The following NBPF26 variants were observed in gnomAD, a reference collection of about 807,000 sequenced individuals.
NBPF26 encodes NBPF member 26, also known as NBPF family member NBPF26.
In NBPF26, 79 loss-of-function variants were observed where a neutral mutation model predicts 119.6. The observed-to-expected ratio is 0.66, with a 90% confidence interval of 0.55 to 0.80. The LOEUF (loss-of-function observed/expected upper bound fraction) is 0.80, where lower values mean the gene tolerates loss of function less well. Ranked by LOEUF, NBPF26 falls within the 30% of genes least tolerant of loss-of-function variation. The pLI, the probability that NBPF26 is intolerant of heterozygous loss-of-function variation, is 0.00. For missense variants in NBPF26, 800 were observed against 1,198.2 expected (o/e 0.67, Z 4.91); for synonymous variants, 299 against 457.7 (o/e 0.65, Z 4.43).
In NBPF26 at chr1:120,781,799, C is replaced by G. The variant is rs1366292829; in HGVS notation, c.156-3175C>G. Among the ~76,000 whole-genome samples the G allele has an allele frequency of 6.8e-5, 8 of 117,124 alleles. 3 individuals are homozygous for G. The highest frequency in any genetic ancestry group is 3.7e-4 in the African/African-American group (8 of 21,370). The allele number at this position is 117,124 out of a possible 152,430, so 76.8% of individuals were successfully genotyped here. A position where few individuals can be genotyped will look rare whatever the true frequency, so the allele number is the denominator to read the frequency against. On this transcript the variant is annotated intron_variant, in intron 2 of 29. Coordinates refer to ENST00000620612, the Ensembl canonical transcript of NBPF26. ...GGTCTCGATCTCCTGACCTGGTGATCTGCCTGCCTCGGCCTCCCAAAGTGC... is the reference window on the plus strand; with the variant it reads ...GGTCTCGATCTCCTGACCTGGTGATGTGCCTGCCTCGGCCTCCCAAAGTGC...
At chr1:120,831,789 GTC>G (rs1358131800) in intron 21 of NBPF26, among the ~76,000 whole-genome samples, 197 bp from the exon 26 acceptor site, 49 of 20,252 alleles carry the variant, frequency 2.4e-3, no homozygotes, top group African/African-American at 5.4e-3. Context: ...GTGTGTGTGT[GTC>G]TATCTGTCTT....
chr1:120,728,594 C>T lies in NBPF26; in HGVS notation c.73+4344C>T, dbSNP rs1163391161. On this transcript the variant is annotated intron_variant, in intron 1 of 29. Transcript: ENST00000620612. ...CACTGCTTCCTGTATTACTGTATTA[C>T]TAGGCCAGCAATTTCTGTTATTTTG... Among the ~76,000 whole-genome samples the T allele has an allele frequency of 2.9e-4, 34 of 117,754 alleles. 13 individuals are homozygous for T. Among genetic ancestry groups the T allele is most frequent in the African/African-American group, 1.6e-3 (32 of 20,244 alleles). The allele number at this position is 117,754 out of a possible 152,430, so 77.3% of individuals were successfully genotyped here. A position where few individuals can be genotyped will look rare whatever the true frequency, so the allele number is the denominator to read the frequency against.
At chr1:120,840,660 A>T, downstream of NBPF26, 2 of 1,442,154 alleles carry the variant, frequency 1.4e-6, no homozygotes, top group Non-Finnish European at 1.9e-6. Flanking sequence ...GAAGATTTGA[A>T]TGAAAGTACA....
In NBPF26 at chr1:120,793,734, G is replaced by T; in HGVS notation, c.751+238G>T. On this transcript the variant is annotated intron_variant, in intron 4 of 29. Coordinates refer to ENST00000620612, the Ensembl canonical transcript of NBPF26. ...ATGAGTGGCTAGAAAATTGTTTATT[G>T]TCCCTTTTGTAGAAACAGTGAGAAA... The T allele has an allele frequency of 1.7e-5, 12 of 711,794 alleles. 4 individuals are homozygous for T. The highest frequency in any genetic ancestry group is 3.0e-5 in the South Asian group (2 of 65,634). 44.1% of individuals were successfully genotyped at this position (711,794 alleles called of 1,614,324 possible).
In NBPF26 at chr1:120,819,015, T is replaced by C. The variant is rs1399614231; in HGVS notation, c.2423+841T>C. On this transcript the variant is annotated intron_variant, in intron 15 of 29. Coordinates refer to ENST00000620612, the Ensembl canonical transcript of NBPF26. The stretch of plus-strand genomic sequence containing the variant: ...TAGGTCTGCTTGGTGGAGAGCTGAG[T>C]TCAAGTCCTGGATATCCTTGTTAAG... Among the ~76,000 whole-genome samples, 5 of 115,652 alleles carry C rather than the reference T, an allele frequency of 4.3e-5. 1 individual carries two copies. The highest frequency in any genetic ancestry group is 8.4e-5 in the Admixed American group (1 of 11,856). 75.9% of individuals were successfully genotyped at this position (115,652 alleles called of 152,430 possible).
At chr1:120,752,546 ATATATATATTT>A (rs1228097117) in intron 1 of NBPF26, among the ~76,000 whole-genome samples, 12 of 12,758 alleles carry the variant, frequency 9.4e-4, no homozygotes, top group African/African-American at 3.8e-3. Context: ...ATATATATAT[ATATATATATTT>A]TTTTTTTTTT....
intron 1 of NBPF26, among the ~76,000 whole-genome samples, chr1:120,760,167 A>G (rs1651118644): frequency 1.8e-5 from 1 of 54,632 alleles, no homozygotes; most frequent in East Asian, 3.2e-4. Flanking sequence ...TCCATTGTAT[A>G]TATCTACCAC....
chr1:120,790,726 G>C lies in NBPF26; in HGVS notation c.416-2435G>C, dbSNP rs1339787474. On this transcript the variant is annotated intron_variant, in intron 3 of 29. Coordinates refer to ENST00000620612, the Ensembl canonical transcript of NBPF26. ...GTGATTCTTGTGCCTCAGCCTCCCA[G>C]GTAGCTGGGATTACAGGTATGCGCT... Among the ~76,000 whole-genome samples the C allele has an allele frequency of 1.8e-5, 2 of 110,752 alleles. 1 individual carries two copies. The highest frequency in any genetic ancestry group is 3.4e-5 in the Non-Finnish European group (2 of 58,946). 72.7% of individuals were successfully genotyped at this position (110,752 alleles called of 152,430 possible).
chr1:120,838,488 C>T (rs1439210747), intron 27 of NBPF26, among the ~76,000 whole-genome samples: 11 of 68,592 alleles, frequency 1.6e-4, no homozygotes, highest in East Asian at 1.1e-3. Flanking sequence ...TCACTGAGCT[C>T]GTTCTCTCTC....
At position 120,745,156 on chromosome 1, in the gene NBPF26, G is replaced by A. The variant is rs1165388309; in HGVS notation, c.74-18472G>A. Among the ~76,000 whole-genome samples the A allele has an allele frequency of 4.8e-5, 5 of 104,744 alleles. 2 individuals are homozygous for A. Among genetic ancestry groups the A allele is most frequent in the African/African-American group, 3.0e-4 (5 of 16,860 alleles). The allele number at this position is 104,744 out of a possible 152,430, so 68.7% of individuals were successfully genotyped here. A position where few individuals can be genotyped will look rare whatever the true frequency, so the allele number is the denominator to read the frequency against. ...AAACAAAAAAAAAACAAAAAAAAGT[G>A]GTATTGGGCCTGTCTAATTGCAAAG... On this transcript the variant is annotated intron_variant, in intron 1 of 29. Transcript: ENST00000620612.
chr1:120,811,058 G>C (rs1651849343), intron 9 of NBPF26, among the ~76,000 whole-genome samples: 1 of 98,184 alleles, frequency 1.0e-5, no homozygotes, highest in Non-Finnish European at 1.9e-5. Flanking sequence ...GGCTAACACG[G>C]TGAAACCCCG....
chr1:120,724,136 G>A lies in NBPF26; in HGVS notation c.-42G>A, dbSNP rs1463936632. On this transcript the variant is annotated 5_prime_UTR_variant, in exon 1 of 30. Transcript: ENST00000620612. ...CCCATGTGGATCTGCCCAGGCGGCG[G>A]CGGCGGCGGCGGCGGAGGAGGAGGA... 2.2e-6 allele frequency: 3 copies of A among 1,362,216 alleles called. 1 individual carries two copies. Among genetic ancestry groups the A allele is most frequent in the South Asian group, 1.4e-5 (1 of 73,848 alleles). 84.4% of individuals were successfully genotyped at this position (1,362,216 alleles called of 1,614,324 possible).
At chr1:120,805,838 C>A in intron 5 of NBPF26, 73 bp downstream of exon 5, 1 of 1,152,482 alleles carries the variant, frequency 8.7e-7, no homozygotes. Flanking sequence ...ACTAAATGCT[C>A]TCTCCATCAA....
intron 5 of NBPF26, among the ~76,000 whole-genome samples, chr1:120,807,093 T>C (rs1651712663): frequency 7.6e-6 from 1 of 131,130 alleles, no homozygotes; most frequent in Non-Finnish European, 1.6e-5. Flanking sequence ...TCTCACACTT[T>C]ATGCTTCAGA....
rs1651743777 is a variant in NBPF26, at chr1:120,807,932, G to A, written c.1064+223G>A. Among the ~76,000 whole-genome samples the A allele has an allele frequency of 3.3e-5, 4 of 121,452 alleles. 1 individual carries two copies. Among genetic ancestry groups the A allele is most frequent in the African/African-American group, 8.1e-5 (2 of 24,672 alleles). 79.7% of individuals were successfully genotyped at this position (121,452 alleles called of 152,430 possible). Reference sequence around the variant, plus strand: ...GCCTTGTTTTCTCTTTTTCAAACAAGTAATTGTTGATGTGAAATTTACATA... The same window carrying A: ...GCCTTGTTTTCTCTTTTTCAAACAAATAATTGTTGATGTGAAATTTACATA... On this transcript the variant is annotated intron_variant, in intron 6 of 29. Transcript: ENST00000620612.
rs1650839883 is a variant in NBPF26 at position 120,728,519 on chromosome 1, A to G, written c.73+4269A>G. On this transcript the variant is annotated intron_variant, in intron 1 of 29. Transcript: ENST00000620612. ...TAAATCACTTTGACTTTGGAATCTCACTTCAAAGGCACTGCCATCCACCCC... is the reference window on the plus strand; with the variant it reads ...TAAATCACTTTGACTTTGGAATCTCGCTTCAAAGGCACTGCCATCCACCCC... 2.6e-5 allele frequency among the ~76,000 whole-genome samples: 3 copies of G among 115,920 alleles called. 1 individual carries two copies. The highest frequency in any genetic ancestry group is 3.3e-5 in the Non-Finnish European group (2 of 60,820). The allele number at this position is 115,920 out of a possible 152,430, so 76.0% of individuals were successfully genotyped here.
At chr1:120,840,719 A>G (rs1376388455), downstream of NBPF26, 11 of 1,216,358 alleles carry the variant, frequency 9.0e-6, 3 homozygotes, top group Non-Finnish European at 1.2e-5. Flanking sequence ...GCATGGCTCT[A>G]TTCCTATTCT....
chr1:120,809,435 T>A (rs1242970027), intron 7 of NBPF26, among the ~76,000 whole-genome samples: 2 of 148,292 alleles, frequency 1.3e-5, no homozygotes, highest in African/African-American at 5.1e-5. Flanking sequence ...GTTTGTCCTC[T>A]CCTAAGAGAA....
rs1224758269 is a variant in NBPF26, at chr1:120,764,042, T to C, written c.155+333T>C. 1.8e-5 allele frequency among the ~76,000 whole-genome samples: 2 copies of C among 109,482 alleles called. 1 individual carries two copies. Among genetic ancestry groups the C allele is most frequent in the African/African-American group, 1.1e-4 (2 of 18,468 alleles). 71.8% of individuals were successfully genotyped at this position (109,482 alleles called of 152,430 possible). On this transcript the variant is annotated intron_variant, in intron 2 of 29. Coordinates refer to ENST00000620612, the Ensembl canonical transcript of NBPF26. The stretch of plus-strand genomic sequence containing the variant: ...GTTGGGCGAATCACGAGGTCAGGAG[T>C]TCAAGATCAGCCTGGCCAACATAGT...
Sources: allele counts gnomAD v4.1 joint callset (sites outside exome capture counted in the v4.1 genomes callset), GRCh38; gene constraint gnomAD v4.1.1; transcripts MANE v1.5; gene names NCBI Gene and HGNC (gene_info 2026-07-23, HGNC 2026-07-21).